Variants in ADAM11 observed in about 807,000 individuals in gnomAD.
ADAM11 encodes the protein ADAM metallopeptidase domain 11.
In ADAM11, 49 loss-of-function variants were observed where a neutral mutation model predicts 119.1. The observed-to-expected ratio is 0.41, with a 90% CI of 0.33 to 0.52. The LOEUF is 0.52. ADAM11 is among the 20% of genes least tolerant of loss of function. ADAM11 has a pLI of 0.20. For synonymous variants in ADAM11, 364 were observed against 408.0 expected (o/e 0.89, Z 1.30); for missense variants, 777 against 1,047.5 (o/e 0.74, Z 3.56).
In ADAM11 at chr17:44,759,275, C is replaced by T; in HGVS notation, c.61+15C>T. 7.2e-7 allele frequency: 1 copy of T among 1,384,834 alleles called. No individual in the cohort carries two copies. Among genetic ancestry groups the T allele is most frequent in the Non-Finnish European group, 9.3e-7 (1 of 1,072,812 alleles). 85.8% of individuals were successfully genotyped at this position (1,384,834 alleles called of 1,614,324 possible). A position where few individuals can be genotyped will look rare whatever the true frequency, so the allele number is the denominator to read the frequency against. Reference sequence around the variant, plus strand: ...CCCCACGCCCGGTGAGTGACCCCCGCCCGGCCCCGGCGCCCCCTCCCTGCC... The same window carrying T: ...CCCCACGCCCGGTGAGTGACCCCCGTCCGGCCCCGGCGCCCCCTCCCTGCC... On this transcript the variant is annotated intron_variant, in intron 1 of 26. Transcript: ENST00000200557.
In ADAM11 at chr17:44,764,081, C is replaced by A. The variant is rs140307332; in HGVS notation, c.237+4184C>A. On this transcript the variant is annotated intron_variant, in intron 2 of 26. Transcript: ENST00000200557. ...GGGTTATGCCTGCCCCTGGGGAGAC[C>A]CAGACTCCTTGGGAACAAGGAGAGG... 3.6e-3 allele frequency among the ~76,000 whole-genome samples: 553 copies of A among 152,166 alleles called. 3 individuals carry two copies. The highest frequency in any genetic ancestry group is 0.012 in the African/African-American group (519 of 41,524).
In ADAM11 at chr17:44,774,502, T is replaced by C; in HGVS notation, c.1088T>C (p.Met363Thr). The C allele has an allele frequency of 1.2e-6, 2 of 1,612,822 alleles. No homozygotes were observed. The highest frequency in any genetic ancestry group is 1.7e-6 in the Non-Finnish European group (2 of 1,179,640). Residue 363 changes from methionine to threonine, a missense_variant, in exon 13 of 27, where the codon ATG becomes ACG. Around this residue, in one of 4 missense-constraint regions of ADAM11, gnomAD observed 147 missense variants for 223.3 expected, o/e 0.66. Transcript: ENST00000200557. ...CTTCCCCACCCCCAGTACGGCAACA[T>C]GGGGGCGATGGCCGTGACCCTTGCC... is the stretch of plus-strand genomic sequence containing the variant. ...HGGGVNEYGNMGAMAVTLAQT... is the reference protein window; with the variant it reads ...HGGGVNEYGNTGAMAVTLAQT...
chr17:44,761,639 G>A (rs1454850149), intron 2 of ADAM11, among the ~76,000 whole-genome samples: 4 of 152,152 alleles, frequency 2.6e-5, no homozygotes, highest in Non-Finnish European at 4.4e-5. Flanking sequence ...GTCTCTCTGA[G>A]ACTGAGACTT....
chr17:44,773,101 T>A lies in ADAM11; in HGVS notation c.825+16T>A, dbSNP rs746072579. 2.6e-6 allele frequency: 4 copies of A among 1,562,570 alleles called. No homozygotes were observed. The African/African-American group carries it at 4.2e-5, about 16-fold the overall frequency. ...GGCCGATGTGGTAAGCAGCTCTCCC[T>A]CCCTCCCTTCCCTCCTCCTCATGCC... On this transcript the variant is annotated intron_variant, in intron 10 of 26. Coordinates refer to ENST00000200557, the MANE Select transcript of ADAM11 (RefSeq NM_002390.6). This position sits in a 1 kb window ranked among gnomAD's most constrained non-coding sequence, Gnocchi z 4.6.
At chr17:44,778,776 G>A (rs1413627555) in intron 25 of ADAM11, among the ~76,000 whole-genome samples, 5 of 150,600 alleles carry the variant, frequency 3.3e-5, no homozygotes, top group Non-Finnish European at 5.9e-5. Context: ...CTAGCAATTC[G>A]GATTTCCAGC....
chr17:44,769,623 C>A, intron 2 of ADAM11, 95 bp from the exon 3 acceptor site: 1 of 811,996 alleles, frequency 1.2e-6, no homozygotes, highest in South Asian at 1.5e-5. Flanking sequence ...GGCTGGCCAC[C>A]CCTTCCCCAG....
At position 44,776,287 on chromosome 17, in the gene ADAM11, G is replaced by A; in HGVS notation, c.1566+80G>A. 1 of 1,477,660 alleles carries A rather than the reference G, an allele frequency of 6.8e-7. No individual in the cohort carries two copies. Among genetic ancestry groups the A allele is most frequent in the East Asian group, 2.3e-5 (1 of 44,012 alleles). 91.5% of individuals were successfully genotyped at this position (1,477,660 alleles called of 1,614,324 possible). The stretch of plus-strand genomic sequence containing the variant: ...GTCGATTTGGTTTTCCCGGACGAGT[G>A]CTCAGCACTCCCCTCCTCTCCACAG... On this transcript the variant is annotated intron_variant, in intron 18 of 26. Transcript: ENST00000200557. This position sits in a 1 kb window ranked among gnomAD's most constrained non-coding sequence, Gnocchi z 5.2.
Position 44,775,532 on chromosome 17 carries a change from G to A in ADAM11, c.1393-52G>A, listed in dbSNP as rs999152360. On this transcript the variant is annotated intron_variant, in intron 16 of 26. Coordinates refer to ENST00000200557, the MANE Select transcript of ADAM11 (RefSeq NM_002390.6). This position sits in a 1 kb window ranked among gnomAD's most constrained non-coding sequence, Gnocchi z 7.5. Reference sequence around the variant, plus strand: ...GGGGTGGGCACGAGGGAGCGTCTGAGTGGGAGGATTAGGGCTCGCCCGCCT... The same window carrying A: ...GGGGTGGGCACGAGGGAGCGTCTGAATGGGAGGATTAGGGCTCGCCCGCCT... 1.3e-6 allele frequency: 2 copies of A among 1,568,610 alleles called. No individual in the cohort carries two copies. The highest frequency in any genetic ancestry group is 2.7e-5 in the African/African-American group (2 of 74,226).
chr17:44,772,967 G>A lies in ADAM11; in HGVS notation c.753+36G>A. On this transcript the variant is annotated intron_variant, in intron 9 of 26. Coordinates refer to ENST00000200557, the MANE Select transcript of ADAM11 (RefSeq NM_002390.6). The surrounding 1 kb of genome is among the most constrained non-coding windows in gnomAD (Gnocchi z 4.5). ...GGGCAGGGACAGGGCGTGACACTGG[G>A]AGGCCCCTGAGGAGCCTGGCCCTCC... The A allele has an allele frequency of 6.2e-7, 1 of 1,614,038 alleles. No homozygotes were observed. Among genetic ancestry groups the A allele is most frequent in the Middle Eastern group, 1.6e-4 (1 of 6,062 alleles).
At chr17:44,779,330 G>A (rs1423430360) in intron 26 of ADAM11, 91 bp downstream of exon 26, 143 of 1,494,688 alleles carry the variant, frequency 9.6e-5, no homozygotes, top group Middle Eastern at 7.1e-4. Flanking sequence ...GTCACCCCGC[G>A]TTCTGTTGAT....
At chr17:44,778,326 C>T (rs1448711512) in intron 25 of ADAM11, 84 bp downstream of exon 25, 18 of 1,382,654 alleles carry the variant, frequency 1.3e-5, no homozygotes, top group Admixed American at 2.2e-5. Flanking sequence ...GGGGCCCTCC[C>T]TGAAAGCCCA....
At chr17:44,778,088 G>T in intron 24 of ADAM11, 22 bp downstream of exon 24, 1 of 1,610,838 alleles carries the variant, frequency 6.2e-7, no homozygotes, top group South Asian at 1.1e-5. Flanking sequence ...GCTGGCCGAG[G>T]GGGGTCTGTC....
chr17:44,777,433 T>C lies in ADAM11; in HGVS notation c.1782-49T>C, dbSNP rs2049619414. The C allele has an allele frequency of 1.3e-6, 2 of 1,595,794 alleles. No homozygotes were observed. Among genetic ancestry groups the C allele is most frequent in the Admixed American group, 1.7e-5 (1 of 59,864 alleles). Reference sequence around the variant, plus strand: ...TGAGGGCAGATTAGAGTTCAGTAGTTGAGTCTGAGGTCAAACTTGGGGCTC... The same window carrying C: ...TGAGGGCAGATTAGAGTTCAGTAGTCGAGTCTGAGGTCAAACTTGGGGCTC... On this transcript the variant is annotated intron_variant, in intron 21 of 26. Coordinates refer to ENST00000200557, the MANE Select transcript of ADAM11 (RefSeq NM_002390.6). This position sits in a 1 kb window ranked among gnomAD's most constrained non-coding sequence, Gnocchi z 5.1.
rs983954814 is a variant in ADAM11, at chr17:44,775,118, C to A, written c.1221-94C>A. ...ATCCTCCGCCTCCTCGCGATGGTGA[C>A]GAAGTCCCCCAGTGTACCCCCTCCC... On this transcript the variant is annotated intron_variant, in intron 14 of 26. Transcript: ENST00000200557. The surrounding 1 kb of genome is among the most constrained non-coding windows in gnomAD (Gnocchi z 7.5). 38 of 1,076,518 alleles carry A rather than the reference C, an allele frequency of 3.5e-5. No individual in the cohort carries two copies. Among genetic ancestry groups the A allele is most frequent in the Non-Finnish European group, 5.2e-5 (37 of 717,192 alleles). 66.7% of individuals were successfully genotyped at this position (1,076,518 alleles called of 1,614,324 possible).
intron 4 of ADAM11, among the ~76,000 whole-genome samples, chr17:44,770,741 A>G (rs553622272): frequency 6.6e-6 from 1 of 152,326 alleles, no homozygotes; most frequent in South Asian, 2.1e-4. Context: ...TTAGTGCCAG[A>G]GCAGTGCTGG....
chr17:44,767,758 C>T (rs1456245787), intron 2 of ADAM11, among the ~76,000 whole-genome samples: 1 of 152,250 alleles, frequency 6.6e-6, no homozygotes, highest in Non-Finnish European at 1.5e-5. Flanking sequence ...GAGAGCTCAG[C>T]AGGTGGCAGG....
chr17:44,771,462 C>A, intron 4 of ADAM11, 122 bp from the exon 5 acceptor site: 2 of 981,662 alleles, frequency 2.0e-6, no homozygotes, highest in Non-Finnish European at 1.6e-6. Flanking sequence ...GAGCCCCAGG[C>A]ATACCCAGGG....
chr17:44,779,084 C>T (rs1360829160), intron 25 of ADAM11, 138 bp from the exon 26 acceptor site: 2 of 1,107,040 alleles, frequency 1.8e-6, no homozygotes, highest in East Asian at 2.8e-5. Flanking sequence ...CTGGCCCTTA[C>T]ATTAGTGTCC....
At position 44,776,242 on chromosome 17, in the gene ADAM11, G is replaced by C. The variant is rs1235766395; in HGVS notation, c.1566+35G>C. On this transcript the variant is annotated intron_variant, in intron 18 of 26. Transcript: ENST00000200557. This position sits in a 1 kb window ranked among gnomAD's most constrained non-coding sequence, Gnocchi z 5.2. ...GCCCCGCCGTCTTGTGGAGCCCTGG[G>C]CGAGGCAACCCCTACCCTTGTCGAT... The C allele has an allele frequency of 6.2e-7, 1 of 1,611,596 alleles. No individual in the cohort carries two copies. Among genetic ancestry groups the C allele is most frequent in the Admixed American group, 1.7e-5 (1 of 59,948 alleles).
Sources: allele counts gnomAD v4.1 joint callset (sites outside exome capture counted in the v4.1 genomes callset), GRCh38; gene constraint gnomAD v4.1.1; regional missense constraint gnomAD v4.1.1; non-coding constraint Gnocchi (gnomAD v3.1); transcripts MANE v1.5; gene names NCBI Gene and HGNC (gene_info 2026-07-23, HGNC 2026-07-21).